MAPK4: variants seen among roughly 807,000 people sequenced by gnomAD.
MAPK4 encodes mitogen-activated protein kinase 4, also known as Erk3-related.
In MAPK4, 22 loss-of-function variants were observed where a neutral mutation model predicts 47.7. The ratio of observed to expected loss-of-function variants is 0.46; its 90% confidence interval spans 0.33 to 0.66. MAPK4 has a LOEUF of 0.66. Ranked by LOEUF, MAPK4 falls within the 30% of genes least tolerant of loss-of-function variation. MAPK4 has a pLI of 0.02. For missense variants in MAPK4, 736 were observed against 831.7 expected (o/e 0.88, Z 1.42); for synonymous variants, 390 against 365.7 (o/e 1.07, Z -0.76).
At chr18:50,688,032 AG>A (rs1908986944) in intron 2 of MAPK4, among the ~76,000 whole-genome samples, 1 of 152,122 alleles carries the variant, frequency 6.6e-6, no homozygotes, top group Non-Finnish European at 1.5e-5. Flanking sequence ...TTCTGCTGAA[AG>A]GTGATCATGG....
intron 2 of MAPK4, among the ~76,000 whole-genome samples, chr18:50,707,837 A>G (rs1031803299): frequency 1.3e-5 from 2 of 152,170 alleles, no homozygotes; most frequent in African/African-American, 4.8e-5. Flanking sequence ...GTTGATTTCC[A>G]TGGAAACCTG....
intron 1 of MAPK4, among the ~76,000 whole-genome samples, chr18:50,649,751 C>A (rs979017077): frequency 1.3e-5 from 2 of 152,282 alleles, no homozygotes; most frequent in South Asian, 4.2e-4. Flanking sequence ...TGCGGGGTGG[C>A]TGAGATCTTC....
At chr18:50,604,968 A>G (rs773247813) in intron 1 of MAPK4, among the ~76,000 whole-genome samples, 5 of 152,212 alleles carry the variant, frequency 3.3e-5, no homozygotes, top group Non-Finnish European at 5.9e-5. Flanking sequence ...ATTATTGAAC[A>G]TATTTCTCTA....
At chr18:50,640,807 AAC>A (rs139939686) in intron 1 of MAPK4, among the ~76,000 whole-genome samples, 36 of 151,294 alleles carry the variant, frequency 2.4e-4, no homozygotes, top group Non-Finnish European at 1.6e-4. Context: ...TGTTGGCTTA[AAC>A]ACACACACAC....
In MAPK4 at chr18:50,655,593, G is replaced by A. The variant is rs144754124; in HGVS notation, c.-870-7496G>A. Among the ~76,000 whole-genome samples the A allele has an allele frequency of 6.6e-5, 10 of 152,280 alleles. No individual in the cohort carries two copies. The East Asian group carries it at 1.9e-3, about 30-fold the overall frequency. On this transcript the variant is annotated intron_variant, in intron 1 of 5. Transcript: ENST00000400384. Reference sequence around the variant, plus strand: ...GGAGCAGCGCTTAATTTCAAAAGCCGGAAAGCCAGGGAGAGTTGTTTCTCC... The same window carrying A: ...GGAGCAGCGCTTAATTTCAAAAGCCAGAAAGCCAGGGAGAGTTGTTTCTCC...
rs1350530805 is a variant in MAPK4, at chr18:50,615,931, T to C, written c.-870-47158T>C. The stretch of plus-strand genomic sequence containing the variant: ...TTCAAATCTACAACCAGCCACAAAC[T>C]AGTAAGGTGACCGAGCCAGTTACAG... On this transcript the variant is annotated intron_variant, in intron 1 of 5. Coordinates refer to ENST00000400384, the MANE Select transcript of MAPK4 (RefSeq NM_002747.4). Among the ~76,000 whole-genome samples the C allele has an allele frequency of 2.6e-5, 4 of 152,156 alleles. No homozygotes were observed. The South Asian group carries it at 8.3e-4, about 31-fold the overall frequency.
intron 1 of MAPK4, among the ~76,000 whole-genome samples, chr18:50,631,521 C>T (rs2042829767): frequency 6.6e-6 from 1 of 152,204 alleles, no homozygotes; most frequent in Non-Finnish European, 1.5e-5. Flanking sequence ...AGAGGGTCAA[C>T]TTAGCGTCTC....
chr18:50,565,665 T>C (rs2042192664), intron 1 of MAPK4, among the ~76,000 whole-genome samples: 1 of 152,232 alleles, frequency 6.6e-6, no homozygotes, highest in Non-Finnish European at 1.5e-5. Context: ...ATTATAATAC[T>C]GTATTTTTCC....
intron 1 of MAPK4, among the ~76,000 whole-genome samples, chr18:50,607,437 T>C (rs1391596574): frequency 1.3e-5 from 2 of 152,178 alleles, no homozygotes; most frequent in African/African-American, 2.4e-5. Context: ...GATTTTTTCT[T>C]TTATCTCTTG....
chr18:50,677,366 C>T (rs1336999725), intron 2 of MAPK4, among the ~76,000 whole-genome samples: 1 of 152,144 alleles, frequency 6.6e-6, no homozygotes, highest in Non-Finnish European at 1.5e-5. Context: ...ATCACAGTAA[C>T]CTTTTCAGGT....
At chr18:50,724,046 T>G (rs560767031) in intron 4 of MAPK4, among the ~76,000 whole-genome samples, 1 of 152,132 alleles carries the variant, frequency 6.6e-6, no homozygotes, top group East Asian at 1.9e-4. Flanking sequence ...AGGGTCTCAC[T>G]TGTCACCCAG....
chr18:50,661,500 T>G (rs2043171411), intron 1 of MAPK4, among the ~76,000 whole-genome samples: 1 of 152,200 alleles, frequency 6.6e-6, no homozygotes, highest in Non-Finnish European at 1.5e-5. Flanking sequence ...TCTCCAAGCC[T>G]TGGTATCCTC....
chr18:50,590,420 A>G (rs2042427038), intron 1 of MAPK4, among the ~76,000 whole-genome samples: 1 of 152,188 alleles, frequency 6.6e-6, no homozygotes, highest in Non-Finnish European at 1.5e-5. Flanking sequence ...CCTGAGCATC[A>G]TGTAGGAGAG....
At chr18:50,665,873 C>A (rs1907575955) in intron 2 of MAPK4, among the ~76,000 whole-genome samples, 1 of 152,150 alleles carries the variant, frequency 6.6e-6, no homozygotes, top group Non-Finnish European at 1.5e-5. Flanking sequence ...TGGGCTGGGG[C>A]CTGGGGAGGC....
At chr18:50,624,057 T>C (rs887058341) in intron 1 of MAPK4, among the ~76,000 whole-genome samples, 2 of 152,254 alleles carry the variant, frequency 1.3e-5, no homozygotes, top group Admixed American at 1.3e-4. Flanking sequence ...ACGTATGCAA[T>C]CACATCACCT....
chr18:50,621,206 T>C (rs1275973809), intron 1 of MAPK4, among the ~76,000 whole-genome samples: 1 of 152,216 alleles, frequency 6.6e-6, no homozygotes, highest in Non-Finnish European at 1.5e-5. Flanking sequence ...CCAAAACATA[T>C]GCTCTTCTTT....
intron 1 of MAPK4, among the ~76,000 whole-genome samples, chr18:50,620,817 A>G (rs914442042): frequency 2.0e-5 from 3 of 152,158 alleles, no homozygotes; most frequent in African/African-American, 7.2e-5. Flanking sequence ...AAGAAAAAAA[A>G]TCCACCCATG....
chr18:50,619,893 C>T (rs1028902845), intron 1 of MAPK4, among the ~76,000 whole-genome samples: 1 of 152,248 alleles, frequency 6.6e-6, no homozygotes. Context: ...GGCACAGCCT[C>T]ATGTGGGTCC....
intron 2 of MAPK4, among the ~76,000 whole-genome samples, chr18:50,713,834 C>A (rs192809308): frequency 3.9e-5 from 6 of 152,182 alleles, no homozygotes; most frequent in African/African-American, 1.4e-4. Flanking sequence ...TTGAGGCCAG[C>A]GTATGGGATG....
Sources: gnomAD v4.1 joint callset for allele counts (sites outside exome capture counted in the v4.1 genomes callset) on GRCh38, gnomAD v4.1.1 for gene constraint, MANE v1.5 for transcripts, NCBI Gene and HGNC (gene_info 2026-07-23, HGNC 2026-07-21) for gene names.